The following LRRIQ3 variants were observed in gnomAD, a reference collection of about 807,000 sequenced individuals.
LRRIQ3 encodes the protein leucine-rich repeat and IQ domain-containing protein 3.
Under a neutral mutation model 59.3 loss-of-function variants are expected in LRRIQ3, and 75 were observed. That is an observed-to-expected ratio of 1.26 (90% confidence interval 1.05 to 1.53). The LOEUF (loss-of-function observed/expected upper bound fraction) is 1.53. Among genes scored for constraint, LRRIQ3 ranks in the 40% most tolerant of loss-of-function variants. LRRIQ3 has a pLI of 0.00. For missense variants in LRRIQ3, 831 were observed against 710.0 expected (o/e 1.17, Z -1.94); for synonymous variants, 250 against 231.3 (o/e 1.08, Z -0.73).
rs535025137 is a variant in LRRIQ3, at chr1:74,027,010, A to C, written c.1719-41T>G. The C allele has an allele frequency of 6.0e-6, 8 of 1,341,538 alleles. No homozygotes were observed. In the African/African-American group the frequency reaches 1.0e-4, roughly 17 times the overall value. 83.1% of individuals were successfully genotyped at this position (1,341,538 alleles called of 1,614,324 possible). Reference sequence around the variant, plus strand: ...AAGGTAATAGAATGAGATACTTTTAAATACTGAAACCATGGCAATCTATTA... The same window carrying C: ...AAGGTAATAGAATGAGATACTTTTACATACTGAAACCATGGCAATCTATTA... On this transcript the variant is annotated intron_variant, in intron 7 of 7. Transcript: ENST00000354431.
chr1:74,106,972 T>A (rs1646624070), intron 5 of LRRIQ3, among the ~76,000 whole-genome samples: 1 of 152,012 alleles, frequency 6.6e-6, no homozygotes, highest in Admixed American at 6.6e-5. Flanking sequence ...TCTTCTATTC[T>A]GACCCAGCTG....
chr1:74,159,745 A>G (rs1247041043), intron 3 of LRRIQ3, among the ~76,000 whole-genome samples: 1 of 152,118 alleles, frequency 6.6e-6, no homozygotes, highest in Non-Finnish European at 1.5e-5. Flanking sequence ...TTACAGGCAT[A>G]TAAAATAAAC....
Position 74,026,323 on chromosome 1 carries a change from T to C in LRRIQ3, c.*490A>G, listed in dbSNP as rs1653513394. On this transcript the variant is annotated 3_prime_UTR_variant, in exon 8 of 8. Transcript: ENST00000354431. The stretch of plus-strand genomic sequence containing the variant: ...AACAGCATATATCACTGACAAAATA[T>C]TGAAACCATACTTTAAAAAATAAAT... 6.6e-6 allele frequency: 1 copy of C among 152,174 alleles called. No homozygotes were observed. The highest frequency in any genetic ancestry group is 2.4e-5 in the African/African-American group (1 of 41,436). The allele number at this position is 152,174 out of a possible 1,614,324, so 9.4% of individuals were successfully genotyped here. A position where few individuals can be genotyped will look rare whatever the true frequency, so the allele number is the denominator to read the frequency against.
intron 4 of LRRIQ3, 162 bp downstream of exon 4, chr1:74,155,571 C>T (rs1648268457): frequency 4.1e-6 from 2 of 489,012 alleles, no homozygotes. Context: ...TATTATATTA[C>T]TATAGAGTCT....
intron 4 of LRRIQ3, among the ~76,000 whole-genome samples, chr1:74,119,952 C>T (rs1464738494): frequency 2.0e-5 from 3 of 151,982 alleles, no homozygotes; most frequent in African/African-American, 7.2e-5. Context: ...TCTACAAAAA[C>T]AAGATTGTAA....
chr1:74,146,466 A>G (rs1647575899), intron 4 of LRRIQ3, among the ~76,000 whole-genome samples: 1 of 152,132 alleles, frequency 6.6e-6, no homozygotes, highest in Non-Finnish European at 1.5e-5. Flanking sequence ...TATGGTAGGC[A>G]CTCAATAAAT....
chr1:74,060,749 C>T (rs1486959992), intron 6 of LRRIQ3, among the ~76,000 whole-genome samples: 1 of 151,984 alleles, frequency 6.6e-6, no homozygotes, highest in Non-Finnish European at 1.5e-5. Flanking sequence ...CATCTGCCAC[C>T]AAGGGACCAG....
intron 4 of LRRIQ3, among the ~76,000 whole-genome samples, chr1:74,147,079 T>C (rs566505658): frequency 2.0e-5 from 3 of 152,060 alleles, no homozygotes; most frequent in South Asian, 4.1e-4. Context: ...AATACAAAAA[T>C]GAGCCAGGCA....
intron 3 of LRRIQ3, among the ~76,000 whole-genome samples, chr1:74,179,119 C>A (rs1263775324): frequency 6.6e-6 from 1 of 152,056 alleles, no homozygotes; most frequent in Non-Finnish European, 1.5e-5. Context: ...GCACTGGTTT[C>A]TTGCCCATAT....
At chr1:74,054,541 A>G (rs563036669) in intron 6 of LRRIQ3, among the ~76,000 whole-genome samples, 2 of 152,176 alleles carry the variant, frequency 1.3e-5, no homozygotes, top group South Asian at 4.1e-4. Context: ...TTTGCAGATA[A>G]TAATGTGTTA....
intron 6 of LRRIQ3, among the ~76,000 whole-genome samples, chr1:74,061,541 T>C (rs987214630): frequency 6.6e-6 from 1 of 152,102 alleles, no homozygotes; most frequent in Non-Finnish European, 1.5e-5. Context: ...CTTCAAACTA[T>C]ACTACATTTG....
chr1:74,027,119 A>G (rs1653540284), intron 7 of LRRIQ3, 150 bp from the exon 8 acceptor site: 2 of 540,096 alleles, frequency 3.7e-6, no homozygotes, highest in Non-Finnish European at 6.3e-6. Context: ...TAACTTGGTT[A>G]TATCATTAAA....
intron 3 of LRRIQ3, among the ~76,000 whole-genome samples, chr1:74,168,742 T>G (rs1649146845): frequency 6.6e-6 from 1 of 152,012 alleles, no homozygotes; most frequent in African/African-American, 2.4e-5. Context: ...TATAGTGAGG[T>G]TTTCTCCCTC....
chr1:74,081,718 C>T (rs1646274675), intron 5 of LRRIQ3, among the ~76,000 whole-genome samples: 1 of 150,436 alleles, frequency 6.6e-6, no homozygotes, highest in African/African-American at 2.4e-5. Context: ...TATTCACAAC[C>T]CTATTTTTCT....
chr1:74,149,192 C>T (rs1647768799), intron 4 of LRRIQ3, among the ~76,000 whole-genome samples: 1 of 152,006 alleles, frequency 6.6e-6, no homozygotes, highest in African/African-American at 2.4e-5. Flanking sequence ...TTTTGTTGAT[C>T]TCTCAAAATA....
intron 4 of LRRIQ3, among the ~76,000 whole-genome samples, chr1:74,155,062 T>C (rs1272944658): frequency 1.3e-5 from 2 of 152,242 alleles, no homozygotes; most frequent in Non-Finnish European, 2.9e-5. Flanking sequence ...TCTTGCTTTA[T>C]CAACAAATGT....
At chr1:74,125,051 T>C (rs1358951048) in intron 4 of LRRIQ3, among the ~76,000 whole-genome samples, 1 of 151,982 alleles carries the variant, frequency 6.6e-6, no homozygotes, top group Non-Finnish European at 1.5e-5. Context: ...GTTTTAAGTT[T>C]TCATTGTAGA....
chr1:74,136,586 C>T (rs1476883270), intron 4 of LRRIQ3, among the ~76,000 whole-genome samples: 1 of 151,858 alleles, frequency 6.6e-6, no homozygotes, highest in African/African-American at 2.4e-5. Flanking sequence ...TCATCAGGGA[C>T]TTTGATTTTG....
intron 4 of LRRIQ3, among the ~76,000 whole-genome samples, chr1:74,130,244 G>A (rs921840867): frequency 3.9e-5 from 6 of 152,018 alleles, no homozygotes; most frequent in South Asian, 2.1e-4. Context: ...CTTTAGCCCC[G>A]GGTAAGGTGG....
Sources: gnomAD v4.1 joint callset for allele counts (sites outside exome capture counted in the v4.1 genomes callset) on GRCh38, gnomAD v4.1.1 for gene constraint, MANE v1.5 for transcripts, NCBI Gene and HGNC (gene_info 2026-07-23, HGNC 2026-07-21) for gene names.